SOX5: variants seen among roughly 807,000 people sequenced by gnomAD.
SOX5 encodes transcription factor SOX-5.
A neutral mutation model predicts 92.0 loss-of-function variants in SOX5; 9 were observed. The ratio of observed to expected loss-of-function variants is 0.10; its 90% CI spans 0.06 to 0.17. The LOEUF (loss-of-function observed/expected upper bound fraction) is 0.17, where lower values mean the gene tolerates loss of function less well. Among genes scored for constraint, SOX5 ranks in the 10% least tolerant of loss-of-function variants. The pLI is 1.00. For synonymous variants in SOX5, 344 were observed against 336.3 expected (o/e 1.02, Z -0.25); for missense variants, 642 against 944.5 (o/e 0.68, Z 4.20).
chr12:23,884,574 C>G (rs913005091), intron 2 of SOX5, among the ~76,000 whole-genome samples: 1 of 152,108 alleles, frequency 6.6e-6, no homozygotes, highest in Non-Finnish European at 1.5e-5. Flanking sequence ...CCTGCCTCCC[C>G]CACAAGTATT....
At chr12:24,384,068 T>C (rs1007428348) in intron 1 of SOX5, among the ~76,000 whole-genome samples, 3 of 152,310 alleles carry the variant, frequency 2.0e-5, no homozygotes, top group African/African-American at 7.2e-5. Context: ...CCTCTTCCTC[T>C]ACCGCCATTA....
intron 4 of SOX5, among the ~76,000 whole-genome samples, chr12:24,196,413 T>G (rs1029942500): frequency 6.6e-6 from 1 of 152,218 alleles, no homozygotes. Flanking sequence ...TTGTAATGTA[T>G]TTTACTGAAA....
intron 6 of SOX5, among the ~76,000 whole-genome samples, chr12:23,668,302 G>C (rs149502006): frequency 1.1e-4 from 17 of 152,232 alleles, no homozygotes; most frequent in African/African-American, 4.1e-4. Context: ...CCGGAAGCTC[G>C]CAAGAATCTA....
chr12:24,429,081 G>T (rs529619820), intron 1 of SOX5, among the ~76,000 whole-genome samples: 133 of 152,174 alleles, frequency 8.7e-4, no homozygotes, highest in African/African-American at 3.2e-3. Flanking sequence ...ACTTTGGGAG[G>T]CCAAGACGGG....
intron 2 of SOX5, among the ~76,000 whole-genome samples, chr12:23,869,007 C>T (rs2096845011): frequency 6.6e-6 from 1 of 152,116 alleles, no homozygotes; most frequent in Non-Finnish European, 1.5e-5. Flanking sequence ...CATAATCTTT[C>T]AGGTCAGGCC....
At chr12:24,343,331 C>T (rs183498278) in intron 2 of SOX5, among the ~76,000 whole-genome samples, 1 of 152,066 alleles carries the variant, frequency 6.6e-6, no homozygotes, top group Non-Finnish European at 1.5e-5. Flanking sequence ...AGTAAAACGG[C>T]TTGCTCCTTG....
intron 6 of SOX5, among the ~76,000 whole-genome samples, chr12:23,695,813 C>T (rs965762243): frequency 1.3e-5 from 2 of 151,242 alleles, no homozygotes; most frequent in Admixed American, 6.6e-5. Flanking sequence ...CGGTGGCGGG[C>T]GCCTATAGTT....
At chr12:24,040,377 T>C (rs532846693) in intron 4 of SOX5, among the ~76,000 whole-genome samples, 1 of 152,338 alleles carries the variant, frequency 6.6e-6, no homozygotes, top group South Asian at 2.1e-4. Context: ...TTACCACTTA[T>C]AAATTCTAGT....
chr12:24,282,847 C>T (rs1945380569), intron 2 of SOX5, among the ~76,000 whole-genome samples: 2 of 152,276 alleles, frequency 1.3e-5, no homozygotes, highest in South Asian at 4.1e-4. Flanking sequence ...TACTTGCCAT[C>T]CATTCTTTAA....
At chr12:23,965,901 G>C (rs1947503835) in intron 4 of SOX5, among the ~76,000 whole-genome samples, 1 of 152,102 alleles carries the variant, frequency 6.6e-6, no homozygotes, top group South Asian at 2.1e-4. Context: ...TTGCAGCTGT[G>C]AGCCACCATG....
chr12:24,529,793 G>C (rs974162499), intron 1 of SOX5, among the ~76,000 whole-genome samples: 35 of 152,300 alleles, frequency 2.3e-4, no homozygotes, highest in African/African-American at 6.5e-4. Flanking sequence ...GCCGAGGTGG[G>C]CAGATCACGA....
intron 2 of SOX5, among the ~76,000 whole-genome samples, chr12:24,360,548 G>T (rs1316384316): frequency 6.6e-6 from 1 of 152,160 alleles, no homozygotes; most frequent in Non-Finnish European, 1.5e-5. Flanking sequence ...AGGAGAGCTA[G>T]AACTAAAAAA....
At chr12:24,123,504 A>T (rs1415845007) in intron 4 of SOX5, among the ~76,000 whole-genome samples, 1 of 152,156 alleles carries the variant, frequency 6.6e-6, no homozygotes, top group Non-Finnish European at 1.5e-5. Flanking sequence ...CTTCCCCTTC[A>T]TTAAAGCTTA....
At chr12:24,399,614 A>G (rs988113479) in intron 1 of SOX5, among the ~76,000 whole-genome samples, 24 of 152,228 alleles carry the variant, frequency 1.6e-4, no homozygotes, top group African/African-American at 5.1e-4. Context: ...CACATATTTC[A>G]GTAGCTAAAA....
At chr12:23,652,780 G>T (rs2081778834) in intron 7 of SOX5, among the ~76,000 whole-genome samples, 1 of 151,930 alleles carries the variant, frequency 6.6e-6, no homozygotes, top group African/African-American at 2.4e-5. Context: ...TATTATAAGA[G>T]CTTCTCAATC....
chr12:24,366,361 C>A (rs1956172039), intron 2 of SOX5, among the ~76,000 whole-genome samples: 1 of 152,090 alleles, frequency 6.6e-6, no homozygotes, highest in Non-Finnish European at 1.5e-5. Flanking sequence ...ATTCAGTGAT[C>A]TAATCAGAAT....
intron 4 of SOX5, among the ~76,000 whole-genome samples, chr12:24,141,785 G>A (rs1950608680): frequency 6.6e-6 from 1 of 152,198 alleles, no homozygotes; most frequent in Non-Finnish European, 1.5e-5. Flanking sequence ...TGGCAATTTA[G>A]GTTAAGTTAA....
At chr12:24,537,268 A>C in intron 1 of SOX5, among the ~76,000 whole-genome samples, 1 of 152,358 alleles carries the variant, frequency 6.6e-6, no homozygotes, top group African/African-American at 2.4e-5. Flanking sequence ...TGATAAGAAC[A>C]ACCAAAGTTT....
chr12:23,795,802 ATATG>A (rs759594517), intron 3 of SOX5, among the ~76,000 whole-genome samples: 4 of 152,162 alleles, frequency 2.6e-5, no homozygotes, highest in Non-Finnish European at 2.9e-5. Flanking sequence ...GTGTGCACAC[ATATG>A]TATGTATATG....
Sources: gnomAD v4.1 joint callset for allele counts (sites outside exome capture counted in the v4.1 genomes callset) on GRCh38, gnomAD v4.1.1 for gene constraint, MANE v1.5 for transcripts, NCBI Gene and HGNC (gene_info 2026-07-23, HGNC 2026-07-21) for gene names.